The following HACE1 variants were observed in gnomAD, a reference collection of about 807,000 sequenced individuals.
The protein encoded by HACE1 is HECT domain and ankyrin repeat containing E3 ubiquitin protein ligase 1.
Under a neutral mutation model 118.4 loss-of-function variants are expected in HACE1, and 73 were observed. That is an observed-to-expected ratio of 0.62 (90% CI 0.51 to 0.75). The LOEUF is 0.75. Among genes scored for constraint, HACE1 ranks in the 30% least tolerant of loss-of-function variants. The pLI, the probability that HACE1 is intolerant of heterozygous loss-of-function variation, is 0.00. For synonymous variants in HACE1, 368 were observed against 374.8 expected, an observed-to-expected ratio of 0.98 and a Z score of 0.21; for missense variants, 749 against 1,102.2, an observed-to-expected ratio of 0.68 and a Z score of 4.54.
Position 104,849,243 on chromosome 6 carries a change from A to G in HACE1, c.225T>C (p.Cys75=). 6.4e-7 allele frequency: 1 copy of G among 1,554,526 alleles called. No homozygotes were observed. The highest frequency in any genetic ancestry group is 1.1e-5 in the South Asian group (1 of 89,878). ...KRSLLHIAAN[C]GSVECLVLLL... ...GCAAAACCAAGCATTCCACCGATCCACAACTAAAACAATATTAAAAGACAG... is the reference window on the plus strand; with the variant it reads ...GCAAAACCAAGCATTCCACCGATCCGCAACTAAAACAATATTAAAAGACAG... The change falls in exon 4 of 24, where the codon TGT becomes TGC. Residue 75 remains cysteine (C), a synonymous_variant. Transcript: ENST00000262903.
intron 5 of HACE1, among the ~76,000 whole-genome samples, chr6:104,839,304 T>C (rs1395658650): frequency 6.6e-6 from 1 of 152,160 alleles, no homozygotes; most frequent in African/African-American, 2.4e-5. Flanking sequence ...GTCCAACAAA[T>C]GGTGGTATAT....
intron 20 of HACE1, among the ~76,000 whole-genome samples, chr6:104,746,055 T>G (rs912457610): frequency 6.6e-6 from 1 of 152,212 alleles, no homozygotes; most frequent in African/African-American, 2.4e-5. Flanking sequence ...TTTGCAAAAC[T>G]GTTAAACAGT....
intron 1 of HACE1, among the ~76,000 whole-genome samples, chr6:104,856,909 C>A (rs900802122): frequency 3.3e-5 from 5 of 152,040 alleles, no homozygotes; most frequent in Non-Finnish European, 5.9e-5. Context: ...ACATAGCATC[C>A]AACTCAGTTT....
chr6:104,785,369 TAAA>T (rs71729885), intron 11 of HACE1, 50 bp from the exon 12 acceptor site: 13 of 743,458 alleles, frequency 1.7e-5, no homozygotes, highest in South Asian at 5.3e-5. Context: ...ACTACAGGAT[TAAA>T]AAAAAAAAAA....
chr6:104,832,680 G>A (rs780106170), intron 6 of HACE1, among the ~76,000 whole-genome samples: 5 of 151,834 alleles, frequency 3.3e-5, no homozygotes, highest in African/African-American at 4.8e-5. Flanking sequence ...TGTGAGCCAC[G>A]GCTCCCAGCC....
At chr6:104,751,738 T>C (rs1257938402) in intron 19 of HACE1, among the ~76,000 whole-genome samples, 3 of 152,140 alleles carry the variant, frequency 2.0e-5, no homozygotes, top group Non-Finnish European at 4.4e-5. Flanking sequence ...TATACACATA[T>C]AAACTATTAG....
intron 10 of HACE1, among the ~76,000 whole-genome samples, chr6:104,792,488 T>A (rs958144013): frequency 1.3e-5 from 2 of 152,182 alleles, no homozygotes; most frequent in Non-Finnish European, 2.9e-5. Flanking sequence ...AACACAGTAT[T>A]TTTGTTGGTT....
At chr6:104,742,430 T>C (rs994529249) in intron 22 of HACE1, among the ~76,000 whole-genome samples, 10 of 149,830 alleles carry the variant, frequency 6.7e-5, no homozygotes, top group Non-Finnish European at 1.3e-4. Context: ...AGGGCTAATA[T>C]CCAGAATCTA....
At chr6:104,833,288 T>C in intron 5 of HACE1, 115 bp from the exon 6 acceptor site, 2 of 921,292 alleles carry the variant, frequency 2.2e-6, no homozygotes, top group Non-Finnish European at 3.6e-6. Flanking sequence ...TCTAAAGGTG[T>C]TTTAAGTCCA....
intron 6 of HACE1, chr6:104,824,909 T>TA (rs575110963): frequency 0.049 from 6,620 of 135,914 alleles, 432 homozygotes; most frequent in African/African-American, 0.16. Flanking sequence ...CCGTCTCTAC[T>TA]AAAAAAAAAA....
chr6:104,780,969 C>A (rs1054341396), intron 14 of HACE1, among the ~76,000 whole-genome samples: 1 of 152,022 alleles, frequency 6.6e-6, no homozygotes. Flanking sequence ...ATGATTCCTC[C>A]TGATTAGATT....
At chr6:104,798,350 C>T (rs1220506283) in intron 7 of HACE1, among the ~76,000 whole-genome samples, 4 of 151,920 alleles carry the variant, frequency 2.6e-5, no homozygotes, top group Admixed American at 2.0e-4. Context: ...TTTCACAAAA[C>T]GGCACTGTAT....
chr6:104,859,298 G>C, intron 1 of HACE1: 1 of 440,424 alleles, frequency 2.3e-6, no homozygotes. Flanking sequence ...ACCCCTAATC[G>C]ACAGACGTTG....
At chr6:104,841,810 C>T (rs978411622) in intron 5 of HACE1, among the ~76,000 whole-genome samples, 3 of 152,060 alleles carry the variant, frequency 2.0e-5, no homozygotes, top group Admixed American at 1.3e-4. Context: ...TTCAAAACAA[C>T]TACTCAACAG....
intron 1 of HACE1, among the ~76,000 whole-genome samples, chr6:104,857,171 T>A (rs1017361344): frequency 6.8e-6 from 1 of 147,576 alleles, no homozygotes; most frequent in African/African-American, 2.5e-5. Context: ...ATATATATAT[T>A]TATTTACATA....
chr6:104,730,568 G>GT (rs1227296644), intron 22 of HACE1, 152 bp from the exon 23 acceptor site: 1 of 636,246 alleles, frequency 1.6e-6, no homozygotes, highest in African/African-American at 1.8e-5. Context: ...ATTCATTACT[G>GT]TAAGTTGCTT....
At chr6:104,737,986 C>T (rs1424349076) in intron 22 of HACE1, among the ~76,000 whole-genome samples, 2 of 152,172 alleles carry the variant, frequency 1.3e-5, no homozygotes, top group African/African-American at 2.4e-5. Context: ...GATCTGAGAA[C>T]GGGCAGACTG....
chr6:104,772,469 A>G (rs1780740016), intron 17 of HACE1, among the ~76,000 whole-genome samples: 1 of 152,198 alleles, frequency 6.6e-6, no homozygotes, highest in Non-Finnish European at 1.5e-5. Flanking sequence ...TCGCTAGGAC[A>G]GACATTATCC....
At chr6:104,781,531 T>C (rs1294032645) in intron 14 of HACE1, among the ~76,000 whole-genome samples, 1 of 152,190 alleles carries the variant, frequency 6.6e-6, no homozygotes, top group Non-Finnish European at 1.5e-5. Context: ...GTAACTCCAA[T>C]TCAACACAAG....
Sources: allele counts gnomAD v4.1 joint callset (sites outside exome capture counted in the v4.1 genomes callset), GRCh38; gene constraint gnomAD v4.1.1; transcripts MANE v1.5; gene names NCBI Gene and HGNC (gene_info 2026-07-23, HGNC 2026-07-21).